Variants in STAT4 observed in about 807,000 individuals in gnomAD.
STAT4 encodes the protein signal transducer and activator of transcription 4.
STAT4 carries 42 observed loss-of-function variants against 110.5 expected under a neutral mutation model. The observed-to-expected ratio is 0.38, with a 90% CI of 0.30 to 0.49. The LOEUF (loss-of-function observed/expected upper bound fraction) is 0.49, where lower values mean the gene tolerates loss of function less well. Ranked by LOEUF, STAT4 falls within the 20% of genes least tolerant of loss-of-function variation. The pLI, the probability that STAT4 is intolerant of heterozygous loss-of-function variation, is 0.95. For missense variants in STAT4, 632 were observed against 887.9 expected (o/e 0.71, Z 3.66); for synonymous variants, 284 against 302.2 (o/e 0.94, Z 0.63).
rs1316677986 is a variant in STAT4, at chr2:191,112,189, G to A, written c.273+34424C>T. Reference sequence around the variant, plus strand: ...AATTATCATAAACTACATGTTTTTGGAGAAATAAAAAGACAAAATTTGGAG... The same window carrying A: ...AATTATCATAAACTACATGTTTTTGAAGAAATAAAAAGACAAAATTTGGAG... On this transcript the variant is annotated intron_variant, in intron 3 of 23. Coordinates refer to ENST00000392320, the MANE Select transcript of STAT4 (RefSeq NM_003151.4). This position sits in a 1 kb window ranked among gnomAD's most constrained non-coding sequence, Gnocchi z 4.3. Among the ~76,000 whole-genome samples the A allele has an allele frequency of 1.3e-5, 2 of 151,994 alleles. No homozygotes were observed. The highest frequency in any genetic ancestry group is 2.4e-5 in the African/African-American group (1 of 41,364).
At position 191,144,164 on chromosome 2, in the gene STAT4, C is replaced by G. The variant is rs1419971522; in HGVS notation, c.273+2449G>C. ...GAGGGGGGTCAGAAAAGGAGATCAGCCTTTTACCCTCAAGGACCTTGTGAC... is the reference window on the plus strand; with the variant it reads ...GAGGGGGGTCAGAAAAGGAGATCAGGCTTTTACCCTCAAGGACCTTGTGAC... On this transcript the variant is annotated intron_variant, in intron 3 of 23. Transcript: ENST00000392320. This position sits in a 1 kb window ranked among gnomAD's most constrained non-coding sequence, Gnocchi z 4.7. 2.0e-5 allele frequency among the ~76,000 whole-genome samples: 3 copies of G among 152,136 alleles called. No individual in the cohort carries two copies. The highest frequency in any genetic ancestry group is 2.9e-5 in the Non-Finnish European group (2 of 68,004).
chr2:191,058,573 A>C lies in STAT4; in HGVS notation c.1094+137T>G. On this transcript the variant is annotated intron_variant, in intron 11 of 23. Transcript: ENST00000392320. The surrounding 1 kb of genome is among the most constrained non-coding windows in gnomAD (Gnocchi z 4.3). ...TTAAATGTTTGAACTTCAAAGTCAA[A>C]TATTTGAAGTACATTCATTATATAA... is the stretch of plus-strand genomic sequence containing the variant. 1.6e-6 allele frequency: 1 copy of C among 633,918 alleles called. No individual in the cohort carries two copies. The highest frequency in any genetic ancestry group is 2.7e-6 in the Non-Finnish European group (1 of 364,946). 39.3% of individuals were successfully genotyped at this position (633,918 alleles called of 1,614,324 possible). A position where few individuals can be genotyped will look rare whatever the true frequency, so the allele number is the denominator to read the frequency against.
chr2:191,108,524 A>G (rs1698342531), intron 3 of STAT4, among the ~76,000 whole-genome samples: 1 of 152,174 alleles, frequency 6.6e-6, no homozygotes, highest in Admixed American at 6.5e-5. Flanking sequence ...TCAAATATGA[A>G]ATGAAGAGGA....
At chr2:191,075,978 G>C (rs2125267761) in intron 4 of STAT4, 1 of 387,910 alleles carries the variant, frequency 2.6e-6, no homozygotes, top group Admixed American at 3.7e-5. Context: ...AGCCTCCACA[G>C]AGCTAGGACT....
At chr2:191,038,301 CTA>C (rs1422870639) in intron 16 of STAT4, among the ~76,000 whole-genome samples, 1 of 152,164 alleles carries the variant, frequency 6.6e-6, no homozygotes, top group Non-Finnish European at 1.5e-5. Context: ...GTCTCAGATG[CTA>C]GGGCACTTGA....
intron 14 of STAT4, among the ~76,000 whole-genome samples, chr2:191,049,046 A>G (rs1696442147): frequency 2.0e-5 from 3 of 151,006 alleles, no homozygotes; most frequent in Admixed American, 6.6e-5. Context: ...TTCACTTGGA[A>G]AAAAAAAATA....
intron 3 of STAT4, among the ~76,000 whole-genome samples, chr2:191,084,238 G>A (rs975090580): frequency 6.6e-5 from 10 of 151,840 alleles, no homozygotes; most frequent in Admixed American, 4.6e-4. Flanking sequence ...CTCCAGCCTG[G>A]GTGACGGAGC....
At chr2:191,115,390 G>A (rs1031753026) in intron 3 of STAT4, among the ~76,000 whole-genome samples, 2 of 152,202 alleles carry the variant, frequency 1.3e-5, no homozygotes, top group African/African-American at 4.8e-5. Context: ...TGGATCCAAT[G>A]AAATAAAGCA....
At chr2:191,151,027 C>G, upstream of STAT4, 6 of 985,600 alleles carry the variant, frequency 6.1e-6, no homozygotes, top group Non-Finnish European at 7.2e-6. This position sits in a 1 kb window ranked among gnomAD's most constrained non-coding sequence, Gnocchi z 4.7. Context: ...AGGAGAAAGC[C>G]GCTGACGCCA....
At chr2:191,121,517 C>G (rs1399448724) in intron 3 of STAT4, among the ~76,000 whole-genome samples, 1 of 152,008 alleles carries the variant, frequency 6.6e-6, no homozygotes, top group East Asian at 1.9e-4. Flanking sequence ...AACTTGGAAC[C>G]AACCCAAATG....
Position 191,086,292 on chromosome 2 carries a change from C to A in STAT4, c.274-9967G>T, listed in dbSNP as rs564824897. Among the ~76,000 whole-genome samples the A allele has an allele frequency of 1.3e-3, 197 of 152,236 alleles. 2 individuals are homozygous for A. Among genetic ancestry groups the A allele is most frequent in the Non-Finnish European group, 8.8e-4 (60 of 68,018 alleles). On this transcript the variant is annotated intron_variant, in intron 3 of 23. Transcript: ENST00000392320. The surrounding 1 kb of genome is among the most constrained non-coding windows in gnomAD (Gnocchi z 5.5). ...GTAAAGATTGTCACTTTCTGACAGG[C>A]CCGGGAACCTCATAGGACCTCAAGA...
chr2:191,122,251 C>T (rs549232652), intron 3 of STAT4, among the ~76,000 whole-genome samples: 2 of 149,048 alleles, frequency 1.3e-5, no homozygotes, highest in Admixed American at 6.7e-5. Context: ...AAATTCTCAA[C>T]ATTATTAATC....
Position 191,039,212 on chromosome 2 carries a change from G to C in STAT4, c.1421C>G (p.Thr474Ser). 1 of 1,614,152 alleles carries C rather than the reference G, an allele frequency of 6.2e-7. No homozygotes were observed. Among genetic ancestry groups the C allele is most frequent in the South Asian group, 1.1e-5 (1 of 91,082 alleles). Residue 474 changes from threonine (T) to serine (S), a missense_variant, in exon 16 of 24, where the codon ACC becomes AGC. Thr to Ser is a moderately conservative substitution (Grantham distance 58). Around this residue, in one of 4 missense-constraint regions of STAT4, gnomAD observed 488 missense variants for 632.8 expected, o/e 0.77. Transcript: ENST00000392320. This position sits in a 1 kb window ranked among gnomAD's most constrained non-coding sequence, Gnocchi z 4.7. ...WASIIWYNVSTNDSQNLVFFN... is the reference protein window; with the variant it reads ...WASIIWYNVSSNDSQNLVFFN... ...AATAGAGTCTACCTGGGAATCGTTG[G>C]TTGACACGTTGTACCAAATGATGGA... is the stretch of plus-strand genomic sequence containing the variant.
At chr2:191,089,978 A>C (rs1417907073) in intron 3 of STAT4, among the ~76,000 whole-genome samples, 1 of 152,194 alleles carries the variant, frequency 6.6e-6, no homozygotes, top group Non-Finnish European at 1.5e-5. Context: ...TAACACTATG[A>C]TACTGGATAC....
intron 5 of STAT4, among the ~76,000 whole-genome samples, chr2:191,072,564 A>C (rs990570795): frequency 1.4e-4 from 21 of 152,204 alleles, no homozygotes; most frequent in African/African-American, 5.1e-4. Flanking sequence ...TATAAATGGC[A>C]AGGAAATGAA....
At chr2:191,081,133 C>T (rs1042521365) in intron 3 of STAT4, among the ~76,000 whole-genome samples, 8 of 152,086 alleles carry the variant, frequency 5.3e-5, no homozygotes. Context: ...AGAACGATGG[C>T]TTCCAGCTTC....
intron 3 of STAT4, among the ~76,000 whole-genome samples, chr2:191,121,718 A>C (rs1424651598): frequency 6.7e-6 from 1 of 149,002 alleles, no homozygotes; most frequent in Non-Finnish European, 1.5e-5. Flanking sequence ...GGGAATCGAA[A>C]AATGAGAACA....
At position 191,031,048 on chromosome 2, in the gene STAT4, G is replaced by A. The variant is rs1206579181; in HGVS notation, c.2144C>T (p.Ser715Leu). ...ACTTGGAGACATGGGAAGAAGGTCT[G>A]ATGGAGAATGTGGCTCTGTTGAATC... ...RSDSTEPHSP[S>L]DLLPMSPSVY... The change falls in exon 23 of 24, where the codon TCA (serine) becomes TTA (leucine). Residue 715 changes from serine (S) to leucine (L), a missense_variant. Around this residue, in one of 4 missense-constraint regions of STAT4, gnomAD observed 32 missense variants for 67.6 expected, o/e 0.47. Coordinates refer to ENST00000392320, the MANE Select transcript of STAT4 (RefSeq NM_003151.4). The surrounding 1 kb of genome is among the most constrained non-coding windows in gnomAD (Gnocchi z 4.8). 1 of 1,614,016 alleles carries A rather than the reference G, an allele frequency of 6.2e-7. No homozygotes were observed. The highest frequency in any genetic ancestry group is 1.3e-5 in the African/African-American group (1 of 75,054).
Position 191,042,263 on chromosome 2 carries a change from A to G in STAT4, c.1252-1115T>C, listed in dbSNP as rs568044046. The stretch of plus-strand genomic sequence containing the variant: ...AGCTAATGATCATCAGGCATTTGAC[A>G]AAGACTTTCACATGAAATAAGAATG... On this transcript the variant is annotated intron_variant, in intron 14 of 23. Transcript: ENST00000392320. The surrounding 1 kb of genome is among the most constrained non-coding windows in gnomAD (Gnocchi z 4.2). Among the ~76,000 whole-genome samples the G allele has an allele frequency of 1.3e-5, 2 of 152,322 alleles. No individual in the cohort carries two copies. The highest frequency in any genetic ancestry group is 2.9e-5 in the Non-Finnish European group (2 of 68,022).
Sources: gnomAD v4.1 joint callset for allele counts (sites outside exome capture counted in the v4.1 genomes callset) on GRCh38, gnomAD v4.1.1 for gene constraint, gnomAD v4.1.1 regional missense constraint, Gnocchi (gnomAD v3.1) non-coding constraint, MANE v1.5 for transcripts, NCBI Gene and HGNC (gene_info 2026-07-23, HGNC 2026-07-21) for gene names.